Variants in GRM5 observed in about 807,000 individuals in gnomAD.
GRM5 encodes glutamate metabotropic receptor 5.
Under a neutral mutation model 83.1 loss-of-function variants are expected in GRM5, and 19 were observed. The ratio of observed to expected loss-of-function variants is 0.23; its 90% CI spans 0.16 to 0.34. The LOEUF is 0.34. GRM5 is among the 10% of genes least tolerant of loss of function. The pLI is 1.00. For missense variants in GRM5, 1,160 were observed against 1,588.3 expected (o/e 0.73, Z 4.58); for synonymous variants, 675 against 633.6 (o/e 1.07, Z -0.98).
intron 2 of GRM5, among the ~76,000 whole-genome samples, chr11:88,987,643 C>T (rs1939775445): frequency 6.6e-6 from 1 of 152,038 alleles, no homozygotes; most frequent in African/African-American, 2.4e-5. Flanking sequence ...GTGGTTCTCC[C>T]AGCACGCAGC....
chr11:88,521,594 C>T (rs1941691777), intron 9 of GRM5, among the ~76,000 whole-genome samples: 1 of 152,144 alleles, frequency 6.6e-6, no homozygotes, highest in South Asian at 2.1e-4. Context: ...AGCCACCTCC[C>T]TGTTTAGGAC....
rs1941164232 is a variant in GRM5, at chr11:88,505,588, A to G, written c.*3004T>C. 6.6e-6 allele frequency: 1 copy of G among 152,172 alleles called. No individual in the cohort carries two copies. Among genetic ancestry groups the G allele is most frequent in the Admixed American group, 6.5e-5 (1 of 15,282 alleles). The allele number at this position is 152,172 out of a possible 1,614,324, so 9.4% of individuals were successfully genotyped here. On this transcript the variant is annotated 3_prime_UTR_variant, in exon 10 of 10. Coordinates refer to ENST00000305447, the MANE Select transcript of GRM5 (RefSeq NM_001143831.3). ...CCTTTCTGTTCCCCATCCCTAGCCC[A>G]GAAAGACGGTTCTTCCCAATCCAGA...
chr11:88,636,889 C>T (rs938704199), intron 4 of GRM5, among the ~76,000 whole-genome samples: 1 of 152,128 alleles, frequency 6.6e-6, no homozygotes, highest in Non-Finnish European at 1.5e-5. Context: ...TCTGAGGGCT[C>T]TGTTCTGTTC....
At chr11:89,018,503 T>A (rs184464307) in intron 2 of GRM5, among the ~76,000 whole-genome samples, 1 of 152,344 alleles carries the variant, frequency 6.6e-6, no homozygotes, top group African/African-American at 2.4e-5. Flanking sequence ...AACATTGATT[T>A]ATTCAATATT....
At chr11:88,845,553 C>A (rs1944288598) in intron 3 of GRM5, among the ~76,000 whole-genome samples, 1 of 150,594 alleles carries the variant, frequency 6.6e-6, no homozygotes. Context: ...CCTGCCTCAG[C>A]CTCCAGAGTA....
intron 3 of GRM5, among the ~76,000 whole-genome samples, chr11:88,745,447 C>A (rs1942116923): frequency 1.3e-5 from 2 of 152,054 alleles, no homozygotes; most frequent in Admixed American, 1.3e-4. Context: ...ATCAAGCTAT[C>A]CACCTGTCTC....
At chr11:88,524,214 C>CTTTTTTTTTTTTTT (rs71470770) in intron 9 of GRM5, among the ~76,000 whole-genome samples, 3 of 101,408 alleles carry the variant, frequency 3.0e-5, no homozygotes, top group African/African-American at 1.4e-4. Flanking sequence ...TTCTTTCTTT[C>CTTTTTTTTTTTTTT]TTTTTTTTTT....
intron 3 of GRM5, among the ~76,000 whole-genome samples, chr11:88,760,399 TACA>T (rs1942487467): frequency 6.6e-6 from 1 of 152,030 alleles, no homozygotes; most frequent in African/African-American, 2.4e-5. Context: ...CCCATAGAAA[TACA>T]AGTAACCACC....
intron 2 of GRM5, among the ~76,000 whole-genome samples, chr11:89,013,593 G>A (rs1172212462): frequency 6.6e-6 from 1 of 152,132 alleles, no homozygotes; most frequent in Non-Finnish European, 1.5e-5. Context: ...CTTTATGAGG[G>A]CAGACTTGCC....
intron 4 of GRM5, among the ~76,000 whole-genome samples, chr11:88,645,339 G>A (rs547420402): frequency 3.2e-4 from 48 of 152,160 alleles, no homozygotes; most frequent in African/African-American, 1.0e-3. Context: ...AAACTGGAGC[G>A]ATTAGAAACC....
intron 8 of GRM5, among the ~76,000 whole-genome samples, chr11:88,555,034 A>G (rs929838845): frequency 1.3e-5 from 2 of 152,136 alleles, no homozygotes; most frequent in Non-Finnish European, 2.9e-5. Flanking sequence ...GTACTGTGGA[A>G]AGAACATGCT....
chr11:89,040,293 T>C (rs114821513), intron 2 of GRM5, among the ~76,000 whole-genome samples: 2,134 of 152,298 alleles, frequency 0.014, 47 homozygotes, highest in African/African-American at 0.047. Context: ...CATCATATTT[T>C]ATCTATTCAC....
chr11:88,927,796 A>G (rs190362710), intron 2 of GRM5, among the ~76,000 whole-genome samples: 1 of 152,302 alleles, frequency 6.6e-6, no homozygotes, highest in East Asian at 1.9e-4. Flanking sequence ...AAGAAATAAC[A>G]GTGAGATTCA....
At position 88,506,267 on chromosome 11, in the gene GRM5, A is replaced by G. The variant is rs1285180626; in HGVS notation, c.*2325T>C. ...TAGAAAATGAATTTGACCATGAACA[A>G]AGTTTAAACATGTTCTTCAACTGGT... On this transcript the variant is annotated 3_prime_UTR_variant, in exon 10 of 10. Transcript: ENST00000305447. 1 of 152,202 alleles carries G rather than the reference A, an allele frequency of 6.6e-6. No homozygotes were observed. Among genetic ancestry groups the G allele is most frequent in the Non-Finnish European group, 1.5e-5 (1 of 68,022 alleles). 9.4% of individuals were successfully genotyped at this position (152,202 alleles called of 1,614,324 possible). A position where few individuals can be genotyped will look rare whatever the true frequency, so the allele number is the denominator to read the frequency against.
At chr11:88,720,282 A>G (rs769707271) in intron 3 of GRM5, among the ~76,000 whole-genome samples, 3 of 149,768 alleles carry the variant, frequency 2.0e-5, no homozygotes, top group East Asian at 2.0e-4. Flanking sequence ...AACTTTTAAG[A>G]TAATACACTG....
At chr11:88,665,352 C>T (rs796625798) in intron 3 of GRM5, among the ~76,000 whole-genome samples, 2 of 152,016 alleles carry the variant, frequency 1.3e-5, no homozygotes, top group African/African-American at 4.8e-5. Context: ...TGGAAAAGAC[C>T]AATTAGAAGA....
At chr11:89,012,195 A>C (rs1940720314) in intron 2 of GRM5, among the ~76,000 whole-genome samples, 1 of 152,250 alleles carries the variant, frequency 6.6e-6, no homozygotes, top group Admixed American at 6.5e-5. Flanking sequence ...AAGACATTGA[A>C]GATAAAAATA....
intron 2 of GRM5, among the ~76,000 whole-genome samples, chr11:88,886,734 T>C (rs918378593): frequency 6.6e-6 from 1 of 152,194 alleles, no homozygotes; most frequent in African/African-American, 2.4e-5. Context: ...CTCCAACTTT[T>C]TATCATAATT....
chr11:89,004,294 T>C (rs962518181), intron 2 of GRM5, among the ~76,000 whole-genome samples: 3 of 152,184 alleles, frequency 2.0e-5, no homozygotes, highest in African/African-American at 7.2e-5. Context: ...GTTTAAATTG[T>C]TTGCTGTATG....
Sources: allele counts gnomAD v4.1 joint callset (sites outside exome capture counted in the v4.1 genomes callset), GRCh38; gene constraint gnomAD v4.1.1; transcripts MANE v1.5; gene names NCBI Gene and HGNC (gene_info 2026-07-23, HGNC 2026-07-21).